Variants in KCNT2 observed in about 807,000 individuals in gnomAD.
KCNT2 encodes the protein potassium channel subfamily T member 2.
KCNT2 carries 67 observed loss-of-function variants against 153.8 expected under a neutral mutation model. The observed-to-expected ratio is 0.44, with a 90% CI of 0.36 to 0.53. The LOEUF (loss-of-function observed/expected upper bound fraction) is 0.53, where lower values mean the gene tolerates loss of function less well. Among genes scored for constraint, KCNT2 ranks in the 20% least tolerant of loss-of-function variants. The probability of loss-of-function intolerance (pLI) is 0.00; values close to 1 mark genes in which losing one functional copy is unlikely to be tolerated. For missense variants in KCNT2, 975 were observed against 1,354.8 expected, an observed-to-expected ratio of 0.72 and a Z score of 4.40; for synonymous variants, 500 against 458.8, an observed-to-expected ratio of 1.09 and a Z score of -1.15.
At chr1:196,280,837 A>G (rs764787449) in intron 25 of KCNT2, 23 bp downstream of exon 25, 1 of 1,603,170 alleles carries the variant, frequency 6.2e-7, no homozygotes, top group Admixed American at 1.7e-5. Context: ...CATCAAAACA[A>G]GAATATTTTG....
At chr1:196,512,161 C>T (rs1013344200) in intron 1 of KCNT2, among the ~76,000 whole-genome samples, 16 of 152,146 alleles carry the variant, frequency 1.1e-4, no homozygotes, top group African/African-American at 3.9e-4. Context: ...ACCTTCTTTA[C>T]TTGACTTCCA....
At chr1:196,361,914 AGTGT>A (rs34545133) in intron 14 of KCNT2, among the ~76,000 whole-genome samples, 33 of 150,620 alleles carry the variant, frequency 2.2e-4, no homozygotes, top group African/African-American at 7.1e-4. Flanking sequence ...TGTGAGTGTG[AGTGT>A]GTGTGTGTGT....
intron 22 of KCNT2, among the ~76,000 whole-genome samples, chr1:196,293,910 C>T (rs1660437398): frequency 6.8e-6 from 1 of 147,930 alleles, no homozygotes; most frequent in Admixed American, 6.7e-5. Context: ...ATGGAACGAA[C>T]AGACATCCTA....
chr1:196,232,613 C>T (rs917531838), intron 27 of KCNT2, among the ~76,000 whole-genome samples: 1 of 151,178 alleles, frequency 6.6e-6, no homozygotes, highest in African/African-American at 2.4e-5. Flanking sequence ...TAATAGCAGT[C>T]AAGTTGATGT....
At chr1:196,350,873 T>A (rs917417877) in intron 14 of KCNT2, among the ~76,000 whole-genome samples, 1 of 152,168 alleles carries the variant, frequency 6.6e-6, no homozygotes, top group Non-Finnish European at 1.5e-5. Context: ...CTTGAATTAA[T>A]TTTTGTATAA....
intron 1 of KCNT2, among the ~76,000 whole-genome samples, chr1:196,520,347 T>C (rs1022766151): frequency 2.6e-5 from 4 of 151,892 alleles, no homozygotes; most frequent in Admixed American, 6.6e-5. Context: ...ACAGCCAATA[T>C]CATACTGAAT....
At chr1:196,574,548 T>C (rs1661137381) in intron 1 of KCNT2, among the ~76,000 whole-genome samples, 1 of 151,974 alleles carries the variant, frequency 6.6e-6, no homozygotes, top group African/African-American at 2.4e-5. Flanking sequence ...AAATTCCTGT[T>C]CATTACAAAC....
At chr1:196,570,694 T>C (rs1193754770) in intron 1 of KCNT2, among the ~76,000 whole-genome samples, 2 of 152,058 alleles carry the variant, frequency 1.3e-5, no homozygotes, top group African/African-American at 2.4e-5. Flanking sequence ...AAGAACATAA[T>C]GGGGATGCCT....
chr1:196,359,136 A>G (rs1667414971), intron 14 of KCNT2, among the ~76,000 whole-genome samples: 2 of 152,122 alleles, frequency 1.3e-5, no homozygotes, highest in Admixed American at 6.6e-5. Context: ...ACTGTGATTA[A>G]TGAAAGAGGT....
At chr1:196,423,622 GAC>G in intron 11 of KCNT2, among the ~76,000 whole-genome samples, 1 of 151,362 alleles carries the variant, frequency 6.6e-6, no homozygotes, top group East Asian at 2.0e-4. Context: ...TAGTGATAAA[GAC>G]ACAGTATATT....
chr1:196,294,624 T>C (rs922938946), intron 22 of KCNT2, among the ~76,000 whole-genome samples: 13 of 152,136 alleles, frequency 8.5e-5, no homozygotes, highest in African/African-American at 3.1e-4. Context: ...AAACTAAAAA[T>C]AGGCATGCAA....
rs187386102 is a variant in KCNT2 at position 196,318,623 on chromosome 1, C to T, written c.2348+861G>A. ...TAGAATTTAAATAGTAATTTTAGTACATCTAACTACAGTTTATTTACTTGG... is the reference window on the plus strand; with the variant it reads ...TAGAATTTAAATAGTAATTTTAGTATATCTAACTACAGTTTATTTACTTGG... On this transcript the variant is annotated intron_variant, in intron 20 of 27. Coordinates refer to ENST00000294725, the MANE Select transcript of KCNT2 (RefSeq NM_198503.5). Among the ~76,000 whole-genome samples the T allele has an allele frequency of 2.5e-3, 379 of 151,846 alleles. 8 individuals are homozygous for T. Among genetic ancestry groups the T allele is most frequent in the Non-Finnish European group, 3.4e-4 (23 of 67,844 alleles).
At chr1:196,502,788 C>A (rs1051328124) in intron 1 of KCNT2, among the ~76,000 whole-genome samples, 1 of 152,092 alleles carries the variant, frequency 6.6e-6, no homozygotes, top group African/African-American at 2.4e-5. Flanking sequence ...ATTTGCTGGG[C>A]CAACTCTCTG....
At chr1:196,265,756 T>C (rs1177910745) in intron 25 of KCNT2, among the ~76,000 whole-genome samples, 1 of 152,208 alleles carries the variant, frequency 6.6e-6, no homozygotes, top group East Asian at 1.9e-4. Flanking sequence ...TTGCTGTCTA[T>C]GCCTCCATAA....
intron 25 of KCNT2, among the ~76,000 whole-genome samples, chr1:196,267,698 A>G (rs949346150): frequency 2.6e-5 from 4 of 152,280 alleles, no homozygotes; most frequent in East Asian, 1.9e-4. Flanking sequence ...TGCTGGTTGC[A>G]TACTGAGCTC....
intron 1 of KCNT2, among the ~76,000 whole-genome samples, chr1:196,495,295 C>T (rs1228017179): frequency 2.0e-5 from 3 of 151,348 alleles, no homozygotes; most frequent in Admixed American, 6.6e-5. Context: ...AATGATAACT[C>T]TTTCTAGCAG....
intron 5 of KCNT2, among the ~76,000 whole-genome samples, chr1:196,476,915 T>C (rs1678584531): frequency 6.6e-6 from 1 of 152,144 alleles, no homozygotes; most frequent in Non-Finnish European, 1.5e-5. Context: ...ACTGACCTAT[T>C]GTAGGCAAAT....
At chr1:196,304,272 A>G (rs1014837554) in intron 22 of KCNT2, among the ~76,000 whole-genome samples, 9 of 152,204 alleles carry the variant, frequency 5.9e-5, no homozygotes, top group African/African-American at 2.2e-4. Flanking sequence ...GGTAATTAAA[A>G]GAAATAACTA....
At chr1:196,242,439 C>A (rs2102263262) in intron 26 of KCNT2, among the ~76,000 whole-genome samples, 1 of 152,028 alleles carries the variant, frequency 6.6e-6, no homozygotes, top group South Asian at 2.1e-4. Context: ...TTTAAAGTTA[C>A]TACTACTGAA....
Sources: gnomAD v4.1 joint callset for allele counts (sites outside exome capture counted in the v4.1 genomes callset) on GRCh38, gnomAD v4.1.1 for gene constraint, MANE v1.5 for transcripts, NCBI Gene and HGNC (gene_info 2026-07-23, HGNC 2026-07-21) for gene names.